Variants in LRFN5 observed in about 807,000 individuals in gnomAD.
The protein encoded by LRFN5 is leucine rich repeat and fibronectin type III domain containing 5, also known as leucine-rich repeat and fibronectin type-III domain-containing protein 5.
In LRFN5, 24 loss-of-function variants were observed where a neutral mutation model predicts 45.6. That is an observed-to-expected ratio of 0.53 (90% CI 0.38 to 0.74). The LOEUF is 0.74. Ranked by LOEUF, LRFN5 falls within the 30% of genes least tolerant of loss-of-function variation. The pLI, the probability that LRFN5 is intolerant of heterozygous loss-of-function variation, is 0.00. For missense variants in LRFN5, 776 were observed against 861.5 expected, an observed-to-expected ratio of 0.90 and a Z score of 1.24; for synonymous variants, 340 against 313.8, an observed-to-expected ratio of 1.08 and a Z score of -0.88.
At chr14:41,858,516 A>G (rs1889552067) in intron 2 of LRFN5, among the ~76,000 whole-genome samples, 1 of 151,218 alleles carries the variant, frequency 6.6e-6, no homozygotes, top group African/African-American at 2.4e-5. Flanking sequence ...TTTTTCCGCC[A>G]TAGGCTTATT....
At chr14:41,865,022 T>C (rs1265733623) in intron 2 of LRFN5, among the ~76,000 whole-genome samples, 1 of 152,134 alleles carries the variant, frequency 6.6e-6, no homozygotes, top group Non-Finnish European at 1.5e-5. Context: ...TATAGAATTT[T>C]ACTTTTCTAT....
chr14:41,680,046 A>C (rs1881814304), intron 1 of LRFN5, among the ~76,000 whole-genome samples: 1 of 152,176 alleles, frequency 6.6e-6, no homozygotes, highest in African/African-American at 2.4e-5. Flanking sequence ...AGGGGAGGGA[A>C]GAGTTGGAAG....
chr14:41,897,246 G>A (rs1411486197), intron 4 of LRFN5, among the ~76,000 whole-genome samples: 1 of 151,840 alleles, frequency 6.6e-6, no homozygotes, highest in Non-Finnish European at 1.5e-5. Context: ...GTATATTTAA[G>A]TAGTAAATTA....
At chr14:41,754,803 C>G (rs1408750817) in intron 1 of LRFN5, among the ~76,000 whole-genome samples, 1 of 152,118 alleles carries the variant, frequency 6.6e-6, no homozygotes, top group East Asian at 1.9e-4. Context: ...TTGCCTTCTG[C>G]TAGCTGTTGA....
At chr14:41,698,151 T>A (rs2138719377) in intron 1 of LRFN5, among the ~76,000 whole-genome samples, 1 of 152,090 alleles carries the variant, frequency 6.6e-6, no homozygotes, top group East Asian at 1.9e-4. Context: ...AGCAACAAAT[T>A]CCTATAAAAA....
chr14:41,635,923 C>T (rs1023900182), intron 1 of LRFN5, among the ~76,000 whole-genome samples: 2 of 152,230 alleles, frequency 1.3e-5, no homozygotes, highest in African/African-American at 4.8e-5. Context: ...ATACTTTACC[C>T]TTATCCTGGT....
intron 1 of LRFN5, among the ~76,000 whole-genome samples, chr14:41,717,160 A>C (rs1883526649): frequency 6.6e-6 from 1 of 152,198 alleles, no homozygotes; most frequent in Non-Finnish European, 1.5e-5. Flanking sequence ...AATAAAAAAG[A>C]ATGTAAATGG....
intron 1 of LRFN5, among the ~76,000 whole-genome samples, chr14:41,764,134 A>T (rs1158548617): frequency 6.6e-6 from 1 of 152,186 alleles, no homozygotes; most frequent in Non-Finnish European, 1.5e-5. Context: ...GACTAAAAAA[A>T]TAACACCTTA....
intron 1 of LRFN5, among the ~76,000 whole-genome samples, chr14:41,624,067 G>A (rs1223315742): frequency 6.6e-6 from 1 of 151,946 alleles, no homozygotes; most frequent in Non-Finnish European, 1.5e-5. Context: ...CAGTTCCTAC[G>A]CCTCTACAAC....
At chr14:41,714,907 T>TTA (rs1555356894) in intron 1 of LRFN5, among the ~76,000 whole-genome samples, 4 of 151,760 alleles carry the variant, frequency 2.6e-5, no homozygotes, top group South Asian at 2.1e-4. Context: ...CCTATTTTTT[T>TTA]AAAAAAAAGT....
intron 1 of LRFN5, among the ~76,000 whole-genome samples, chr14:41,710,303 T>G (rs1457083630): frequency 1.3e-5 from 2 of 152,160 alleles, no homozygotes; most frequent in Non-Finnish European, 2.9e-5. Flanking sequence ...GACTTCAAAT[T>G]AATGAAATTT....
intron 1 of LRFN5, among the ~76,000 whole-genome samples, chr14:41,742,310 TATAC>T (rs911977883): frequency 7.4e-5 from 7 of 93,972 alleles, no homozygotes; most frequent in Admixed American, 1.3e-4. Context: ...ATGTGGTGTG[TATAC>T]ACACACACAC....
At chr14:41,740,801 G>A (rs999752744) in intron 1 of LRFN5, among the ~76,000 whole-genome samples, 3 of 152,018 alleles carry the variant, frequency 2.0e-5, no homozygotes, top group Non-Finnish European at 4.4e-5. Flanking sequence ...GTTTGCCAAT[G>A]AGGTGATTTT....
chr14:41,804,202 G>A (rs1887439658), intron 2 of LRFN5, among the ~76,000 whole-genome samples: 2 of 149,892 alleles, frequency 1.3e-5, no homozygotes, highest in Admixed American at 1.3e-4. Flanking sequence ...CTGAAAATTT[G>A]GAGACTAGAG....
At chr14:41,649,907 A>G (rs951283961) in intron 1 of LRFN5, among the ~76,000 whole-genome samples, 2 of 152,160 alleles carry the variant, frequency 1.3e-5, no homozygotes, top group South Asian at 2.1e-4. Context: ...TGTTGATGCT[A>G]CTGAATAAAA....
chr14:41,631,410 T>C (rs1888529552), intron 1 of LRFN5, among the ~76,000 whole-genome samples: 1 of 152,114 alleles, frequency 6.6e-6, no homozygotes, highest in Non-Finnish European at 1.5e-5. Context: ...TCAACAAGTA[T>C]GTACCTTCCC....
At chr14:41,882,458 C>A (rs986415765) in intron 2 of LRFN5, among the ~76,000 whole-genome samples, 3 of 152,188 alleles carry the variant, frequency 2.0e-5, no homozygotes, top group African/African-American at 7.2e-5. Context: ...AGTTCCTCTG[C>A]ATCTTTCCCA....
At chr14:41,708,287 A>G (rs1023395080) in intron 1 of LRFN5, among the ~76,000 whole-genome samples, 4 of 152,006 alleles carry the variant, frequency 2.6e-5, no homozygotes, top group Non-Finnish European at 5.9e-5. Flanking sequence ...TCCACCTTCA[A>G]TAATTATCAC....
chr14:41,667,567 T>C (rs8009481), intron 1 of LRFN5, among the ~76,000 whole-genome samples: 45,321 of 152,052 alleles, frequency 0.3, 6,889 homozygotes, highest in Middle Eastern at 0.39. Flanking sequence ...CTCCTGCCCC[T>C]TTCCTGAATC....
Sources: allele counts gnomAD v4.1 joint callset (sites outside exome capture counted in the v4.1 genomes callset), GRCh38; gene constraint gnomAD v4.1.1; transcripts MANE v1.5; gene names NCBI Gene and HGNC (gene_info 2026-07-23, HGNC 2026-07-21).